Variants in VPS26A observed in about 807,000 individuals in gnomAD.
VPS26A encodes the protein vacuolar protein sorting-associated protein 26A.
A neutral mutation model predicts 42.4 loss-of-function variants in VPS26A; 22 were observed. That is an observed-to-expected ratio of 0.52 (90% CI 0.37 to 0.74). The LOEUF (loss-of-function observed/expected upper bound fraction) is 0.74. VPS26A is among the 30% of genes least tolerant of loss of function. The pLI is 0.00. For synonymous variants in VPS26A, 110 were observed against 123.5 expected, an observed-to-expected ratio of 0.89 and a Z score of 0.73; for missense variants, 276 against 379.2, an observed-to-expected ratio of 0.73 and a Z score of 2.26.
chr10:69,172,324 ATTTGT>A lies in VPS26A; in HGVS notation c.*1059_*1063del, dbSNP rs1417394534. On this transcript the variant is annotated 3_prime_UTR_variant, in exon 9 of 9. Transcript: ENST00000263559. ...AATTTTTTAACACTAAATTCAAGTCATTTGTTTTAAGTCTCTAAAAAAGAAGATTG... is the reference window on the plus strand; with the variant it reads ...AATTTTTTAACACTAAATTCAAGTCATTTAAGTCTCTAAAAAAGAAGATTG... The A allele has an allele frequency of 6.6e-6, 1 of 152,196 alleles. No homozygotes were observed. Among genetic ancestry groups the A allele is most frequent in the Non-Finnish European group, 1.5e-5 (1 of 68,030 alleles). 9.4% of individuals were successfully genotyped at this position (152,196 alleles called of 1,614,324 possible). A position where few individuals can be genotyped will look rare whatever the true frequency, so the allele number is the denominator to read the frequency against.
intron 7 of VPS26A, among the ~76,000 whole-genome samples, chr10:69,166,616 G>A (rs368654701): frequency 6.6e-6 from 1 of 152,146 alleles, no homozygotes; most frequent in East Asian, 1.9e-4. Flanking sequence ...CACAAAGCCA[G>A]TACCATTTAT....
rs1222634857 is a variant in VPS26A at position 69,171,410 on chromosome 10, G to A, written c.*141G>A. The A allele has an allele frequency of 6.6e-6, 4 of 607,992 alleles. No homozygotes were observed. The highest frequency in any genetic ancestry group is 1.9e-5 in the African/African-American group (1 of 51,674). The allele number at this position is 607,992 out of a possible 1,614,324, so 37.7% of individuals were successfully genotyped here. A position where few individuals can be genotyped will look rare whatever the true frequency, so the allele number is the denominator to read the frequency against. ...TGTTAGTCTTCCTTTATCTTACAGC[G>A]CAGCATTTATTTTATGATATAATGA... On this transcript the variant is annotated 3_prime_UTR_variant, in exon 9 of 9. Coordinates refer to ENST00000263559, the MANE Select transcript of VPS26A (RefSeq NM_004896.5).
intron 1 of VPS26A, among the ~76,000 whole-genome samples, chr10:69,127,505 C>T (rs1400955365): frequency 6.7e-6 from 1 of 150,338 alleles, no homozygotes; most frequent in African/African-American, 2.4e-5. Flanking sequence ...GTGAGCCGAG[C>T]TAGCGCCACT....
At chr10:69,138,033 C>T (rs1840958149) in intron 2 of VPS26A, among the ~76,000 whole-genome samples, 1 of 152,154 alleles carries the variant, frequency 6.6e-6, no homozygotes, top group South Asian at 2.1e-4. Context: ...CATTTCCCCT[C>T]CTTCCAGTCT....
At chr10:69,154,741 C>T (rs1841393719) in intron 2 of VPS26A, among the ~76,000 whole-genome samples, 2 of 151,874 alleles carry the variant, frequency 1.3e-5, no homozygotes, top group East Asian at 3.9e-4. Context: ...TTATGCATCC[C>T]TATAGTCCCA....
At chr10:69,138,637 A>G (rs564745810) in intron 2 of VPS26A, among the ~76,000 whole-genome samples, 4 of 152,300 alleles carry the variant, frequency 2.6e-5, no homozygotes, top group African/African-American at 9.6e-5. Flanking sequence ...GTTTTTAAAT[A>G]TAGATTTAAT....
rs200832222 is a variant in VPS26A, at chr10:69,156,991, T to C, written c.230-16T>C. 8 of 1,570,720 alleles carry C rather than the reference T, an allele frequency of 5.1e-6. No homozygotes were observed. The highest frequency in any genetic ancestry group is 2.2e-4 in the Middle Eastern group (1 of 4,622). The stretch of plus-strand genomic sequence containing the variant: ...CTATTAAATAATTGGTCTTTTTGCC[T>C]TTTAAAATTTCTCAGAACTTTTCAA... On this transcript the variant is annotated splice_polypyrimidine_tract_variant and intron_variant, in intron 3 of 8. Coordinates refer to ENST00000263559, the MANE Select transcript of VPS26A (RefSeq NM_004896.5).
At chr10:69,166,399 T>C (rs901576262) in intron 7 of VPS26A, among the ~76,000 whole-genome samples, 2 of 151,994 alleles carry the variant, frequency 1.3e-5, no homozygotes, top group African/African-American at 4.9e-5. Flanking sequence ...TATTATACAA[T>C]AGTTCGTCTT....
At chr10:69,152,174 G>A (rs900827539) in intron 2 of VPS26A, among the ~76,000 whole-genome samples, 2 of 151,796 alleles carry the variant, frequency 1.3e-5, no homozygotes, top group African/African-American at 2.4e-5. Flanking sequence ...GTGCCACTGC[G>A]CTCCAGCCTG....
intron 8 of VPS26A, among the ~76,000 whole-genome samples, chr10:69,168,932 G>A (rs1841753403): frequency 6.6e-6 from 1 of 151,518 alleles, no homozygotes; most frequent in Non-Finnish European, 1.5e-5. Context: ...AAAAAATAAG[G>A]CAATAAAGAA....
chr10:69,156,030 TTATAAC>T (rs1048785054), intron 3 of VPS26A, 143 bp downstream of exon 3: 17 of 623,166 alleles, frequency 2.7e-5, no homozygotes, highest in African/African-American at 2.0e-4. Context: ...AGGATTTACT[TTATAAC>T]TATATTAAAT....
chr10:69,143,323 G>A (rs1001002090), intron 2 of VPS26A, among the ~76,000 whole-genome samples: 1 of 152,146 alleles, frequency 6.6e-6, no homozygotes, highest in Non-Finnish European at 1.5e-5. Flanking sequence ...AGGTTAGACT[G>A]CCTCATTGGT....
chr10:69,146,745 ATTC>A (rs567566772), intron 2 of VPS26A, among the ~76,000 whole-genome samples: 1 of 152,140 alleles, frequency 6.6e-6, no homozygotes, highest in Non-Finnish European at 1.5e-5. Context: ...TGAGAACATC[ATTC>A]TTCTTTTGTT....
At chr10:69,168,424 T>C (rs987571893) in intron 7 of VPS26A, 65 bp from the exon 8 acceptor site, 2 of 1,542,942 alleles carry the variant, frequency 1.3e-6, no homozygotes, top group Non-Finnish European at 1.8e-6. Flanking sequence ...TAGTGCTTAG[T>C]CCTACCTGTT....
At chr10:69,153,360 C>T (rs7918066) in intron 2 of VPS26A, among the ~76,000 whole-genome samples, 113,802 of 151,082 alleles carry the variant, frequency 0.75, 45,042 homozygotes, top group Non-Finnish European at 0.89. Flanking sequence ...TTTTTTTTGT[C>T]TGAGACAAGG....
chr10:69,137,862 GATATATATAT>G (rs745881334), intron 2 of VPS26A, among the ~76,000 whole-genome samples: 4 of 144,812 alleles, frequency 2.8e-5, no homozygotes, highest in African/African-American at 1.1e-4. Context: ...GCTGTATTGA[GATATATATAT>G]ATATATATAT....
At chr10:69,152,972 A>G (rs1307841440) in intron 2 of VPS26A, among the ~76,000 whole-genome samples, 4 of 148,578 alleles carry the variant, frequency 2.7e-5, no homozygotes, top group East Asian at 2.0e-4. Flanking sequence ...TCTGTCTCAA[A>G]AAAAAAAAAA....
intron 2 of VPS26A, among the ~76,000 whole-genome samples, chr10:69,152,495 G>A (rs1841335648): frequency 6.6e-6 from 1 of 151,954 alleles, no homozygotes; most frequent in South Asian, 2.1e-4. Context: ...TATTTTGAAG[G>A]CAAGTAACTA....
intron 2 of VPS26A, among the ~76,000 whole-genome samples, chr10:69,134,444 A>G (rs1840859805): frequency 6.6e-6 from 1 of 152,192 alleles, no homozygotes; most frequent in Non-Finnish European, 1.5e-5. Context: ...CTAGGCCAAA[A>G]TTCGTGAAAT....
Sources: allele counts gnomAD v4.1 joint callset (sites outside exome capture counted in the v4.1 genomes callset), GRCh38; gene constraint gnomAD v4.1.1; transcripts MANE v1.5; gene names NCBI Gene and HGNC (gene_info 2026-07-23, HGNC 2026-07-21).